Variants in NPAS3 observed in about 807,000 individuals in gnomAD.
The protein encoded by NPAS3 is neuronal PAS domain-containing protein 3.
Under a neutral mutation model 73.1 loss-of-function variants are expected in NPAS3, and 14 were observed. That is an observed-to-expected ratio of 0.19 (90% CI 0.13 to 0.30). NPAS3 has a LOEUF of 0.30. NPAS3 is among the 10% of genes least tolerant of loss of function. The probability of loss-of-function intolerance (pLI) is 1.00; values close to 1 mark genes in which losing one functional copy is unlikely to be tolerated. For missense variants in NPAS3, 1,096 were observed against 1,250.0 expected, an observed-to-expected ratio of 0.88 and a Z score of 1.86; for synonymous variants, 620 against 541.5, an observed-to-expected ratio of 1.14 and a Z score of -2.01.
rs192879332 is a variant in NPAS3, at chr14:32,946,512, G to A, written c.50+7146G>A. On this transcript the variant is annotated intron_variant, in intron 1 of 11. Transcript: ENST00000356141. ...GCTGTACTTTAGGAAACTTTGTAGC[G>A]TGTGATGTGGGTGTTCATTGCAGAA... 3.9e-3 allele frequency among the ~76,000 whole-genome samples: 595 copies of A among 152,224 alleles called. 8 individuals carry two copies. The highest frequency in any genetic ancestry group is 0.013 in the African/African-American group (554 of 41,524).
At chr14:33,219,499 A>T (rs543351304) in intron 3 of NPAS3, among the ~76,000 whole-genome samples, 1 of 152,326 alleles carries the variant, frequency 6.6e-6, no homozygotes, top group South Asian at 2.1e-4. Flanking sequence ...TAGTCTTTGG[A>T]AAGGAACAGT....
At chr14:33,112,167 TC>T (rs1312503560) in intron 2 of NPAS3, among the ~76,000 whole-genome samples, 2 of 152,174 alleles carry the variant, frequency 1.3e-5, no homozygotes, top group Non-Finnish European at 2.9e-5. Context: ...TGATTTATAA[TC>T]CTTTGGGTAT....
chr14:33,523,749 C>A (rs2053664775), intron 4 of NPAS3, among the ~76,000 whole-genome samples: 1 of 152,084 alleles, frequency 6.6e-6, no homozygotes, highest in Non-Finnish European at 1.5e-5. Flanking sequence ...CACTGCACTC[C>A]AGCCTGGGCG....
intron 6 of NPAS3, among the ~76,000 whole-genome samples, chr14:33,731,567 G>A (rs1595518448): frequency 6.6e-6 from 1 of 152,164 alleles, no homozygotes; most frequent in East Asian, 1.9e-4. Context: ...TGAGAACTAG[G>A]TGGCTCCCAG....
chr14:33,285,871 C>T (rs2041852698), intron 3 of NPAS3, among the ~76,000 whole-genome samples: 2 of 152,176 alleles, frequency 1.3e-5, no homozygotes, highest in Admixed American at 1.3e-4. Context: ...ACTCCTTCAA[C>T]TCCTCCCACT....
intron 10 of NPAS3, among the ~76,000 whole-genome samples, chr14:33,796,179 G>A (rs1183911999): frequency 6.6e-6 from 1 of 152,112 alleles, no homozygotes; most frequent in African/African-American, 2.4e-5. Flanking sequence ...TCTTCCCTGA[G>A]CAATACTTTC....
chr14:33,564,289 A>C (rs981505692), intron 5 of NPAS3, among the ~76,000 whole-genome samples: 2 of 152,184 alleles, frequency 1.3e-5, no homozygotes, highest in Non-Finnish European at 2.9e-5. Flanking sequence ...ATGAAAAACC[A>C]TTGTTTCTTA....
chr14:33,581,963 A>G (rs981154112), intron 5 of NPAS3: 1 of 152,220 alleles, frequency 6.6e-6, no homozygotes, highest in Non-Finnish European at 1.5e-5. Context: ...TTATTTAACC[A>G]GGCTTAGATT....
rs3057435 is a variant in NPAS3 at position 33,077,774 on chromosome 14, GTTT to G, written c.140+21793_140+21795del. Among the ~76,000 whole-genome samples, 27 of 87,470 alleles carry G rather than the reference GTTT, an allele frequency of 3.1e-4. 1 individual carries two copies. Among genetic ancestry groups the G allele is most frequent in the African/African-American group, 1.0e-3 (27 of 25,760 alleles). 57.4% of individuals were successfully genotyped at this position (87,470 alleles called of 152,430 possible). On this transcript the variant is annotated intron_variant, in intron 2 of 11. Transcript: ENST00000356141. Reference sequence around the variant, plus strand: ...CTTTGCTCAAAACATTGCAGTAAGGGTTTTTTTTTTTTTTTGCCCCTTTTGGCT... The same window carrying G: ...CTTTGCTCAAAACATTGCAGTAAGGGTTTTTTTTTTTTGCCCCTTTTGGCT...
intron 2 of NPAS3, among the ~76,000 whole-genome samples, chr14:33,072,159 G>A (rs1344259330): frequency 2.0e-5 from 3 of 152,150 alleles, no homozygotes; most frequent in Non-Finnish European, 2.9e-5. Flanking sequence ...CTAAAGTGCT[G>A]GGATTACAGG....
chr14:33,712,406 A>G (rs1347591515), intron 6 of NPAS3, among the ~76,000 whole-genome samples: 1 of 152,240 alleles, frequency 6.6e-6, no homozygotes, highest in Non-Finnish European at 1.5e-5. Context: ...AATAAGATGC[A>G]AACAGGCTTC....
chr14:33,511,160 G>A (rs976209063), intron 4 of NPAS3, among the ~76,000 whole-genome samples: 2 of 152,078 alleles, frequency 1.3e-5, no homozygotes, highest in Admixed American at 6.6e-5. Context: ...TCCTCTGAGA[G>A]CAAGATCTCC....
chr14:33,097,157 C>A (rs115931184), intron 2 of NPAS3, among the ~76,000 whole-genome samples: 2 of 151,900 alleles, frequency 1.3e-5, no homozygotes, highest in African/African-American at 4.8e-5. Flanking sequence ...GCAGGAGGAT[C>A]GCCTGAGCCC....
intron 4 of NPAS3, among the ~76,000 whole-genome samples, chr14:33,379,977 C>CATGTGTGTGTGTGT (rs367545400): frequency 6.9e-6 from 1 of 144,232 alleles, no homozygotes; most frequent in Non-Finnish European, 1.5e-5. Flanking sequence ...AGTTATCCCT[C>CATGTGTGTGTGTGT]GTGTGTGTGT....
At chr14:33,249,347 C>A (rs941257266) in intron 3 of NPAS3, among the ~76,000 whole-genome samples, 9 of 30,224 alleles carry the variant, frequency 3.0e-4, no homozygotes, top group South Asian at 1.2e-3. Context: ...CCGTCCCCCC[C>A]ACCTTTTTTT....
chr14:33,208,835 A>G (rs942744546), intron 2 of NPAS3, among the ~76,000 whole-genome samples: 7 of 152,184 alleles, frequency 4.6e-5, no homozygotes, highest in African/African-American at 1.4e-4. Context: ...AACTGGTTTT[A>G]TATATTGTGT....
chr14:33,540,696 G>GT (rs1446337430), intron 4 of NPAS3, among the ~76,000 whole-genome samples: 1 of 152,076 alleles, frequency 6.6e-6, no homozygotes, highest in Non-Finnish European at 1.5e-5. Context: ...AACCTCCCTC[G>GT]TTCTAGTAAA....
chr14:33,590,782 A>G (rs766197505), intron 5 of NPAS3, among the ~76,000 whole-genome samples: 10 of 152,102 alleles, frequency 6.6e-5, no homozygotes, highest in Non-Finnish European at 1.3e-4. Flanking sequence ...CTTTCTCTGG[A>G]TCCAGGTGGC....
intron 5 of NPAS3, among the ~76,000 whole-genome samples, chr14:33,628,329 G>T (rs1332487309): frequency 1.3e-5 from 2 of 152,190 alleles, no homozygotes; most frequent in South Asian, 2.1e-4. Flanking sequence ...TATTCAGTTT[G>T]TCAGATATTC....
Sources: allele counts gnomAD v4.1 joint callset (sites outside exome capture counted in the v4.1 genomes callset), GRCh38; gene constraint gnomAD v4.1.1; transcripts MANE v1.5; gene names NCBI Gene and HGNC (gene_info 2026-07-23, HGNC 2026-07-21).